The following SLC4A4 variants were observed in gnomAD, a reference collection of about 807,000 sequenced individuals.
SLC4A4 encodes the protein electrogenic sodium bicarbonate cotransporter 1.
Under a neutral mutation model 111.5 loss-of-function variants are expected in SLC4A4, and 27 were observed. The ratio of observed to expected loss-of-function variants is 0.24; its 90% CI spans 0.18 to 0.33. The LOEUF is 0.33. Ranked by LOEUF, SLC4A4 falls within the 10% of genes least tolerant of loss-of-function variation. SLC4A4 has a pLI of 1.00. For missense variants in SLC4A4, 909 were observed against 1,315.5 expected (o/e 0.69, Z 4.78); for synonymous variants, 443 against 463.4 (o/e 0.96, Z 0.57).
chr4:71,223,511 G>A (rs752454192), intron 1 of SLC4A4, among the ~76,000 whole-genome samples: 3 of 152,064 alleles, frequency 2.0e-5, no homozygotes, highest in African/African-American at 7.2e-5. Flanking sequence ...GCTCAATCAG[G>A]GTTGAGTGGA....
intron 14 of SLC4A4, among the ~76,000 whole-genome samples, chr4:71,482,989 A>G (rs952203587): frequency 2.6e-5 from 4 of 151,636 alleles, no homozygotes; most frequent in Non-Finnish European, 3.0e-5. Flanking sequence ...TACCCATTAT[A>G]TGCTCTAGGA....
chr4:71,553,877 A>G (rs1393296228), intron 20 of SLC4A4, among the ~76,000 whole-genome samples: 5 of 151,810 alleles, frequency 3.3e-5, no homozygotes. Context: ...TCAACATTCT[A>G]TGTCACTTTT....
At position 71,342,999 on chromosome 4, in the gene SLC4A4, G is replaced by A. The variant is rs570330869; in HGVS notation, c.389+3494G>A. On this transcript the variant is annotated intron_variant, in intron 4 of 25. Coordinates refer to ENST00000264485, the MANE Select transcript of SLC4A4 (RefSeq NM_001098484.3). ...TATAGGGCTTACCGTAATTGCTGTC[G>A]ATTAATTCATTATGTATGTGATATT... Among the ~76,000 whole-genome samples the A allele has an allele frequency of 2.0e-5, 3 of 152,196 alleles. No individual in the cohort carries two copies. The South Asian group carries it at 6.2e-4, about 32-fold the overall frequency.
At chr4:71,211,834 C>G (rs1266806195) in intron 1 of SLC4A4, among the ~76,000 whole-genome samples, 6 of 150,256 alleles carry the variant, frequency 4.0e-5, no homozygotes, top group Non-Finnish European at 8.8e-5. Flanking sequence ...TTATCAAAGC[C>G]ACATGGTGAT....
At chr4:71,386,069 A>G (rs1718691213) in intron 6 of SLC4A4, among the ~76,000 whole-genome samples, 2 of 150,776 alleles carry the variant, frequency 1.3e-5, no homozygotes, top group Non-Finnish European at 2.9e-5. Flanking sequence ...TCAATTGATG[A>G]TTTGGAAGCA....
chr4:71,534,483 A>G (rs1734236743), intron 18 of SLC4A4, 95 bp downstream of exon 18: 2 of 1,175,486 alleles, frequency 1.7e-6, no homozygotes, highest in South Asian at 1.3e-5. Context: ...CTTTGTTGGG[A>G]GTTACTATAG....
chr4:71,541,877 G>GAAA (rs1489096132), intron 18 of SLC4A4, among the ~76,000 whole-genome samples: 2 of 152,044 alleles, frequency 1.3e-5, no homozygotes, highest in African/African-American at 4.8e-5. Flanking sequence ...TGTTATTTTT[G>GAAA]AAAAATACTG....
At chr4:71,140,929 A>C (rs1391970622) in intron 2 of SLC4A4, among the ~76,000 whole-genome samples, 6 of 152,226 alleles carry the variant, frequency 3.9e-5, no homozygotes, top group Non-Finnish European at 8.8e-5. Flanking sequence ...TTATGTTATA[A>C]TTTATGAATA....
chr4:71,125,113 T>A (rs35251141), intron 2 of SLC4A4, among the ~76,000 whole-genome samples: 9 of 152,206 alleles, frequency 5.9e-5, no homozygotes, highest in Non-Finnish European at 1.0e-4. Flanking sequence ...TCTATTTATA[T>A]GTATCTGGTT....
intron 3 of SLC4A4, among the ~76,000 whole-genome samples, chr4:71,284,181 C>G (rs1294659198): frequency 6.6e-6 from 1 of 152,186 alleles, no homozygotes; most frequent in African/African-American, 2.4e-5. Flanking sequence ...ATTTTATACT[C>G]TTTGCCAGAT....
chr4:71,121,651 C>T (rs1560730811), intron 2 of SLC4A4, among the ~76,000 whole-genome samples: 1 of 152,084 alleles, frequency 6.6e-6, no homozygotes, highest in Admixed American at 6.5e-5. Context: ...TGTAAATGCA[C>T]CAATCAGCAC....
chr4:71,364,956 T>C (rs151015478), intron 6 of SLC4A4, among the ~76,000 whole-genome samples: 1 of 152,348 alleles, frequency 6.6e-6, no homozygotes, highest in African/African-American at 2.4e-5. Context: ...GCTACTTTCA[T>C]TATCTACTTT....
chr4:71,337,152 T>C (rs1728494983), intron 3 of SLC4A4, among the ~76,000 whole-genome samples: 1 of 152,220 alleles, frequency 6.6e-6, no homozygotes, highest in South Asian at 2.1e-4. Flanking sequence ...ACTGAAGAGC[T>C]AGCTGCAAAG....
chr4:71,217,447 C>A (rs1175068641), intron 1 of SLC4A4, among the ~76,000 whole-genome samples: 1 of 152,072 alleles, frequency 6.6e-6, no homozygotes, highest in African/African-American at 2.4e-5. Flanking sequence ...CCTGTAATCC[C>A]AGCTATTTGG....
chr4:71,434,019 G>T (rs141656946), intron 7 of SLC4A4, among the ~76,000 whole-genome samples: 90 of 152,058 alleles, frequency 5.9e-4, no homozygotes, highest in African/African-American at 2.1e-3. Context: ...TTTATAAAGA[G>T]CTTGAATGCC....
chr4:71,123,091 C>T (rs947337749), intron 2 of SLC4A4, among the ~76,000 whole-genome samples: 3 of 152,086 alleles, frequency 2.0e-5, no homozygotes, highest in East Asian at 1.9e-4. Context: ...AACAGAAGAT[C>T]TTTAGATGGT....
rs955881375 is a variant in SLC4A4, at chr4:71,086,415, G to A, written c.-64-6315G>A. Among the ~76,000 whole-genome samples the A allele has an allele frequency of 3.3e-5, 5 of 151,782 alleles. 1 individual carries two copies. The highest frequency in any genetic ancestry group is 9.7e-5 in the African/African-American group (4 of 41,158). ...CTTTATTTCTTTCTCCTGCCTGATT[G>A]CCCTGGCCAGAACTTCCAACACTAT... On this transcript the variant is annotated intron_variant, in intron 1 of 26. Transcript: ENST00000649996.
chr4:71,347,777 G>A (rs889769097), intron 4 of SLC4A4, among the ~76,000 whole-genome samples: 4 of 152,030 alleles, frequency 2.6e-5, no homozygotes, highest in Admixed American at 6.6e-5. Context: ...AAGATAAGAA[G>A]GAAGTAAAGG....
Position 71,267,791 on chromosome 4 carries a change from C to CA in SLC4A4, c.253+12419dup, listed in dbSNP as rs71212002. ...CCTGGATGACAGAGTGAGAGTCTGCCAAAAAAAAAAAAAAAAAAAAAAAAA... is the reference window on the plus strand; with the variant it reads ...CCTGGATGACAGAGTGAGAGTCTGCCAAAAAAAAAAAAAAAAAAAAAAAAAA... On this transcript the variant is annotated intron_variant, in intron 3 of 25. Coordinates refer to ENST00000264485, the MANE Select transcript of SLC4A4 (RefSeq NM_001098484.3). 1.8e-3 allele frequency among the ~76,000 whole-genome samples: 114 copies of CA among 62,360 alleles called. 11 individuals carry two copies. Among genetic ancestry groups the CA allele is most frequent in the African/African-American group, 8.7e-3 (101 of 11,550 alleles). The allele number at this position is 62,360 out of a possible 152,430, so 40.9% of individuals were successfully genotyped here. A position where few individuals can be genotyped will look rare whatever the true frequency, so the allele number is the denominator to read the frequency against.
Sources: gnomAD v4.1 joint callset for allele counts (sites outside exome capture counted in the v4.1 genomes callset) on GRCh38, gnomAD v4.1.1 for gene constraint, MANE v1.5 for transcripts, NCBI Gene and HGNC (gene_info 2026-07-23, HGNC 2026-07-21) for gene names.